PAQR3: variants seen among roughly 807,000 people sequenced by gnomAD.
PAQR3 encodes the protein Raf kinase trapping to Golgi.
PAQR3 carries 39 observed loss-of-function variants against 41.7 expected under a neutral mutation model. The observed-to-expected ratio is 0.93, with a 90% confidence interval of 0.72 to 1.22. PAQR3 has a LOEUF of 1.22. Among genes scored for constraint, PAQR3 ranks in the 50% most tolerant of loss-of-function variants. The probability of loss-of-function intolerance (pLI) is 0.00; values close to 1 mark genes in which losing one functional copy is unlikely to be tolerated. For synonymous variants in PAQR3, 140 were observed against 140.6 expected (o/e 1.00, Z 0.03); for missense variants, 366 against 385.6 (o/e 0.95, Z 0.42).
chr4:78,930,068 T>G (rs1258983812), intron 3 of PAQR3, 102 bp downstream of exon 3: 1 of 1,142,630 alleles, frequency 8.8e-7, no homozygotes. Flanking sequence ...CTATTTAGTC[T>G]ATAAGTTAAT....
chr4:78,917,977 T>C lies in PAQR3; in HGVS notation c.*2562A>G, dbSNP rs1735248314. On this transcript the variant is annotated 3_prime_UTR_variant, in exon 6 of 6. Transcript: ENST00000512733. Reference sequence around the variant, plus strand: ...CCAGTTTATTTACATAATACATATTTTGTCATGCAGCTTACTGAATTGCAG... The same window carrying C: ...CCAGTTTATTTACATAATACATATTCTGTCATGCAGCTTACTGAATTGCAG... 2 of 983,894 alleles carry C rather than the reference T, an allele frequency of 2.0e-6. No individual in the cohort carries two copies. Among genetic ancestry groups the C allele is most frequent in the South Asian group, 4.7e-5 (1 of 21,256 alleles). The allele number at this position is 983,894 out of a possible 1,614,324, so 60.9% of individuals were successfully genotyped here. A position where few individuals can be genotyped will look rare whatever the true frequency, so the allele number is the denominator to read the frequency against.
In PAQR3 at chr4:78,930,285, C is replaced by A. The variant is rs867173944; in HGVS notation, c.389G>T (p.Cys130Phe). ...TCGACATGTTTTTTCTGACCGATGG[C>A]AGGAAAAAAGATGATAGCCCACAGA... is the stretch of plus-strand genomic sequence containing the variant. ...LCSVGYHLFS[C>F]HRSEKTCRRW... Residue 130 changes from cysteine (C) to phenylalanine (F), a missense_variant, in exon 3 of 6, where the codon TGC becomes TTC. By Grantham distance (205) the Cys-to-Phe change is radical (BLOSUM62 -2). Coordinates refer to ENST00000512733, the MANE Select transcript of PAQR3 (RefSeq NM_001040202.2). The A allele has an allele frequency of 6.2e-7, 1 of 1,612,876 alleles. No homozygotes were observed. The highest frequency in any genetic ancestry group is 8.5e-7 in the Non-Finnish European group (1 of 1,179,586).
At position 78,926,728 on chromosome 4, in the gene PAQR3, A is replaced by C. The variant is rs1350727450; in HGVS notation, c.505-10T>G. On this transcript the variant is annotated splice_polypyrimidine_tract_variant and intron_variant, in intron 3 of 5. Coordinates refer to ENST00000512733, the MANE Select transcript of PAQR3 (RefSeq NM_001040202.2). The stretch of plus-strand genomic sequence containing the variant: ...ACACCTGACGCCAGTACTAGAATGA[A>C]AGGAAATCACATTTTAATTCTGTTA... The C allele has an allele frequency of 6.8e-6, 11 of 1,609,304 alleles. No individual in the cohort carries two copies. Among genetic ancestry groups the C allele is most frequent in the Non-Finnish European group, 9.4e-6 (11 of 1,175,898 alleles).
intron 3 of PAQR3, among the ~76,000 whole-genome samples, chr4:78,927,101 G>A (rs1736317661): frequency 6.6e-6 from 1 of 152,152 alleles, no homozygotes; most frequent in African/African-American, 2.4e-5. Flanking sequence ...GGTAGATACC[G>A]TAATTGAGGA....
chr4:78,938,764 G>A (rs995156001), intron 1 of PAQR3, among the ~76,000 whole-genome samples: 7 of 151,862 alleles, frequency 4.6e-5, no homozygotes, highest in African/African-American at 1.7e-4. Flanking sequence ...CGAACAAACC[G>A]AATAAAGGAT....
rs1006853253 is a variant in PAQR3, at chr4:78,915,696, A to G, written c.*4843T>C. ...TTAATGTGAATTTTTAAAAAATGGA[A>G]TTGCAACCACAATCATATCTAAGAG... On this transcript the variant is annotated 3_prime_UTR_variant, in exon 6 of 6. Coordinates refer to ENST00000512733, the MANE Select transcript of PAQR3 (RefSeq NM_001040202.2). 1 of 151,980 alleles carries G rather than the reference A, an allele frequency of 6.6e-6. No individual in the cohort carries two copies. Among genetic ancestry groups the G allele is most frequent in the African/African-American group, 2.4e-5 (1 of 41,436 alleles). 9.4% of individuals were successfully genotyped at this position (151,980 alleles called of 1,614,324 possible).
rs1028408553 is a variant in PAQR3 at position 78,939,365 on chromosome 4, G to C, written c.-141C>G. ...CCTACCGCGCTGCCGCTGCTGCCCA[G>C]GGCCCGGCTCTGCGCTCACACCGGC... On this transcript the variant is annotated 5_prime_UTR_variant, in exon 1 of 6. Coordinates refer to ENST00000512733, the MANE Select transcript of PAQR3 (RefSeq NM_001040202.2). 8.9e-6 allele frequency: 6 copies of C among 671,840 alleles called. No homozygotes were observed. Among genetic ancestry groups the C allele is most frequent in the Non-Finnish European group, 1.3e-5 (6 of 473,714 alleles). The allele number at this position is 671,840 out of a possible 1,614,324, so 41.6% of individuals were successfully genotyped here.
chr4:78,911,795 C>T, downstream of PAQR3: 1 of 1,613,992 alleles, frequency 6.2e-7, no homozygotes, highest in Non-Finnish European at 8.5e-7. Flanking sequence ...TCATGGCACC[C>T]TCCACATCAG....
chr4:78,936,760 C>G (rs911633457), intron 1 of PAQR3, among the ~76,000 whole-genome samples: 1 of 152,156 alleles, frequency 6.6e-6, no homozygotes, highest in Admixed American at 6.5e-5. Context: ...CAGAACTTTT[C>G]TTTTTGTGAA....
At chr4:78,892,532 CTTTA>C (rs1056703440) in intron 11 of PAQR3, among the ~76,000 whole-genome samples, 1 of 152,146 alleles carries the variant, frequency 6.6e-6, no homozygotes, top group African/African-American at 2.4e-5. Context: ...TTTATCTGCT[CTTTA>C]TTTATTGACA....
chr4:78,925,948 A>G (rs920899713), intron 4 of PAQR3, among the ~76,000 whole-genome samples: 1 of 152,146 alleles, frequency 6.6e-6, no homozygotes, highest in African/African-American at 2.4e-5. Flanking sequence ...ATTTCTCAAT[A>G]TATTCTCCTT....
chr4:78,933,230 G>A (rs1402699217), intron 2 of PAQR3: 3 of 456,096 alleles, frequency 6.6e-6, no homozygotes, highest in Admixed American at 2.4e-5. Context: ...CTTGTATAGT[G>A]TCTGGATGTA....
intron 2 of PAQR3, 76 bp downstream of exon 2, chr4:78,935,045 G>A: frequency 7.0e-7 from 1 of 1,425,616 alleles, no homozygotes; most frequent in Non-Finnish European, 9.6e-7. Context: ...TGGTAGGTCT[G>A]AGGTAAGGTC....
At chr4:78,923,326 ACTAT>A (rs1178436430) in intron 5 of PAQR3, among the ~76,000 whole-genome samples, 3 of 151,208 alleles carry the variant, frequency 2.0e-5, no homozygotes, top group African/African-American at 7.3e-5. Context: ...ACTTCTTTTC[ACTAT>A]CTTTTTTTTT....
intron 10 of PAQR3, chr4:78,906,176 G>T (rs1159987026): frequency 6.6e-6 from 1 of 152,020 alleles, no homozygotes; most frequent in East Asian, 1.9e-4. Context: ...AGAGATAAAA[G>T]GATTAATAGT....
At chr4:78,892,447 T>C (rs1390887050) in intron 11 of PAQR3, among the ~76,000 whole-genome samples, 4 of 152,236 alleles carry the variant, frequency 2.6e-5, no homozygotes, top group Non-Finnish European at 5.9e-5. Flanking sequence ...TTATACCTAA[T>C]GGTAGTAATT....
chr4:78,919,953 G>C lies in PAQR3; in HGVS notation c.*586C>G, dbSNP rs1285416567. Reference sequence around the variant, plus strand: ...TGCAGAAGTTTAAAGCTTTTGTTCTGGAAAACTAAAATATCTAATGTTCTT... The same window carrying C: ...TGCAGAAGTTTAAAGCTTTTGTTCTCGAAAACTAAAATATCTAATGTTCTT... On this transcript the variant is annotated 3_prime_UTR_variant, in exon 6 of 6. Transcript: ENST00000512733. The C allele has an allele frequency of 1.0e-6, 1 of 984,986 alleles. No homozygotes were observed. The highest frequency in any genetic ancestry group is 1.8e-5 in the African/African-American group (1 of 57,142). The allele number at this position is 984,986 out of a possible 1,614,324, so 61.0% of individuals were successfully genotyped here. A position where few individuals can be genotyped will look rare whatever the true frequency, so the allele number is the denominator to read the frequency against.
At chr4:78,935,434 A>G (rs1053684305) in intron 1 of PAQR3, 151 bp from the exon 2 acceptor site, 5 of 569,438 alleles carry the variant, frequency 8.8e-6, no homozygotes, top group Non-Finnish European at 1.4e-5. Context: ...ATATTATCTA[A>G]TTAAATTATT....
chr4:78,899,868 A>T (rs2110092728), intron 11 of PAQR3, among the ~76,000 whole-genome samples: 1 of 152,334 alleles, frequency 6.6e-6, no homozygotes, highest in African/African-American at 2.4e-5. Context: ...TATTCTTTCC[A>T]AGAGTCCAGC....
Sources: gnomAD v4.1 joint callset for allele counts (sites outside exome capture counted in the v4.1 genomes callset) on GRCh38, gnomAD v4.1.1 for gene constraint, MANE v1.5 for transcripts, NCBI Gene and HGNC (gene_info 2026-07-23, HGNC 2026-07-21) for gene names.